The following SOX5 variants were observed in gnomAD, a reference collection of about 807,000 sequenced individuals.
SOX5 encodes the protein SRY-box transcription factor 5, also known as transcription factor SOX-5.
In SOX5, 9 loss-of-function variants were observed where a neutral mutation model predicts 92.0. The observed-to-expected ratio is 0.10, with a 90% CI of 0.06 to 0.17. The LOEUF is 0.17. Ranked by LOEUF, SOX5 falls within the 10% of genes least tolerant of loss-of-function variation. SOX5 has a pLI of 1.00. For synonymous variants in SOX5, 344 were observed against 336.3 expected, an observed-to-expected ratio of 1.02 and a Z score of -0.25; for missense variants, 642 against 944.5, an observed-to-expected ratio of 0.68 and a Z score of 4.20.
intron 4 of SOX5, among the ~76,000 whole-genome samples, chr12:23,991,891 T>A (rs1036872420): frequency 1.3e-5 from 2 of 152,136 alleles, no homozygotes; most frequent in Non-Finnish European, 2.9e-5. Flanking sequence ...CTGGTTTTAA[T>A]ACTATTTTTT....
intron 6 of SOX5, among the ~76,000 whole-genome samples, chr12:23,695,284 C>T (rs1338260444): frequency 1.3e-5 from 2 of 152,128 alleles, no homozygotes; most frequent in East Asian, 3.9e-4. Flanking sequence ...CCAACTTGCT[C>T]ATCATTTTCA....
intron 1 of SOX5, among the ~76,000 whole-genome samples, chr12:23,916,352 A>T: frequency 6.6e-6 from 1 of 152,222 alleles, no homozygotes; most frequent in Non-Finnish European, 1.5e-5. Flanking sequence ...AAAGAAAATC[A>T]ATAGAAAATG....
chr12:24,169,598 T>A (rs1953834098), intron 4 of SOX5, among the ~76,000 whole-genome samples: 1 of 152,236 alleles, frequency 6.6e-6, no homozygotes, highest in South Asian at 2.1e-4. Context: ...CGTTCATTCA[T>A]CCAACATGTA....
chr12:24,058,785 G>T (rs12814500), intron 4 of SOX5, among the ~76,000 whole-genome samples: 1 of 151,402 alleles, frequency 6.6e-6, no homozygotes, highest in Non-Finnish European at 1.5e-5. Context: ...TAATAAGCCT[G>T]TTAGTAAGTA....
intron 2 of SOX5, chr12:24,357,489 G>A (rs1311921409): frequency 6.6e-6 from 1 of 152,176 alleles, no homozygotes; most frequent in Admixed American, 6.6e-5. Flanking sequence ...GGAAGCACAG[G>A]GAAAATGCTA....
intron 11 of SOX5, among the ~76,000 whole-genome samples, chr12:23,557,027 T>A (rs1345942696): frequency 6.6e-6 from 1 of 152,218 alleles, no homozygotes; most frequent in African/African-American, 2.4e-5. Context: ...TTTTTTATTA[T>A]TAAACATCCA....
At chr12:23,759,141 A>T (rs1379721470) in intron 3 of SOX5, among the ~76,000 whole-genome samples, 1 of 151,876 alleles carries the variant, frequency 6.6e-6, no homozygotes, top group Non-Finnish European at 1.5e-5. Flanking sequence ...TGGATAGATG[A>T]AGTAAAAACT....
chr12:23,721,852 C>T (rs1485557719), intron 6 of SOX5, among the ~76,000 whole-genome samples: 1 of 152,176 alleles, frequency 6.6e-6, no homozygotes, highest in Non-Finnish European at 1.5e-5. Flanking sequence ...AAAAATTATC[C>T]ATGAATATGG....
chr12:23,646,907 C>G (rs1156479326), intron 7 of SOX5, among the ~76,000 whole-genome samples: 2 of 152,142 alleles, frequency 1.3e-5, no homozygotes, highest in Non-Finnish European at 2.9e-5. Flanking sequence ...GGGGTAAAAT[C>G]AAATTCTTTC....
intron 2 of SOX5, among the ~76,000 whole-genome samples, chr12:24,317,769 CTTT>C (rs1426560760): frequency 6.6e-6 from 1 of 152,192 alleles, no homozygotes; most frequent in African/African-American, 2.4e-5. Flanking sequence ...GGCTTCACTT[CTTT>C]GTCATAATTC....
At chr12:24,047,016 A>G (rs1255942702) in intron 4 of SOX5, among the ~76,000 whole-genome samples, 1 of 150,636 alleles carries the variant, frequency 6.6e-6, no homozygotes, top group African/African-American at 2.4e-5. Flanking sequence ...CAAAAATACA[A>G]CATCTCCAAC....
chr12:23,991,332 C>A (rs1180210857), intron 4 of SOX5, among the ~76,000 whole-genome samples: 1 of 147,724 alleles, frequency 6.8e-6, no homozygotes, highest in African/African-American at 2.6e-5. Flanking sequence ...AAAAAAAAAA[C>A]AACAACAACA....
Position 23,936,863 on chromosome 12 carries a change from T to G in SOX5, c.38+12701A>C, listed in dbSNP as rs559055134. On this transcript the variant is annotated intron_variant, in intron 1 of 14. Coordinates refer to ENST00000451604, the MANE Select transcript of SOX5 (RefSeq NM_006940.6). ...ATATTTTACATTCTTTCTTTGAACCTATGTCTTGGAAAGCCAGTGCGTATT... is the reference window on the plus strand; with the variant it reads ...ATATTTTACATTCTTTCTTTGAACCGATGTCTTGGAAAGCCAGTGCGTATT... 2.6e-5 allele frequency among the ~76,000 whole-genome samples: 4 copies of G among 151,182 alleles called. 1 individual carries two copies. Among genetic ancestry groups the G allele is most frequent in the East Asian group, 3.9e-4 (2 of 5,154 alleles).
chr12:24,163,487 C>A (rs998107401), intron 4 of SOX5, among the ~76,000 whole-genome samples: 2 of 150,028 alleles, frequency 1.3e-5, no homozygotes, highest in Non-Finnish European at 1.5e-5. Context: ...GCATTTTGGG[C>A]CTTCTAATTT....
intron 4 of SOX5, among the ~76,000 whole-genome samples, chr12:24,204,161 T>C (rs1454308573): frequency 2.0e-5 from 3 of 152,144 alleles, no homozygotes; most frequent in Admixed American, 2.0e-4. Context: ...ATACATACTT[T>C]CTTATTTTAC....
At chr12:24,022,749 G>C (rs1001000266) in intron 4 of SOX5, among the ~76,000 whole-genome samples, 2 of 152,030 alleles carry the variant, frequency 1.3e-5, no homozygotes, top group Non-Finnish European at 2.9e-5. Context: ...AGCAAGAGGA[G>C]AGCCATTCCT....
intron 2 of SOX5, among the ~76,000 whole-genome samples, chr12:23,848,228 A>G (rs2096595844): frequency 2.6e-5 from 4 of 152,316 alleles, no homozygotes; most frequent in South Asian, 4.1e-4. Context: ...TTTAATTGCC[A>G]TAATTGAAAA....
At chr12:23,802,403 G>C (rs1435254429) in intron 3 of SOX5, among the ~76,000 whole-genome samples, 1 of 152,022 alleles carries the variant, frequency 6.6e-6, no homozygotes, top group Non-Finnish European at 1.5e-5. Flanking sequence ...TAAATCACAT[G>C]AGACCCAACT....
intron 4 of SOX5, among the ~76,000 whole-genome samples, chr12:24,019,281 T>C (rs4963737): frequency 0.083 from 12,574 of 152,268 alleles, 655 homozygotes; most frequent in Non-Finnish European, 0.12. Context: ...ATATAATGCA[T>C]TGAAATGAAA....
Sources: allele counts gnomAD v4.1 joint callset (sites outside exome capture counted in the v4.1 genomes callset), GRCh38; gene constraint gnomAD v4.1.1; transcripts MANE v1.5; gene names NCBI Gene and HGNC (gene_info 2026-07-23, HGNC 2026-07-21).